CLSTN2: variants seen among roughly 807,000 people sequenced by gnomAD.
CLSTN2 encodes calsyntenin 2.
CLSTN2 carries 48 observed loss-of-function variants against 101.2 expected under a neutral mutation model. The ratio of observed to expected loss-of-function variants is 0.47; its 90% CI spans 0.38 to 0.60. The LOEUF is 0.60. Ranked by LOEUF, CLSTN2 falls within the 20% of genes least tolerant of loss-of-function variation. The pLI, the probability that CLSTN2 is intolerant of heterozygous loss-of-function variation, is 0.00. For missense variants in CLSTN2, 1,160 were observed against 1,238.2 expected (o/e 0.94, Z 0.95); for synonymous variants, 481 against 463.6 (o/e 1.04, Z -0.48).
chr3:140,395,793 G>A (rs762902571), intron 2 of CLSTN2, among the ~76,000 whole-genome samples: 5 of 152,114 alleles, frequency 3.3e-5, no homozygotes, highest in Admixed American at 6.5e-5. Flanking sequence ...ATGTAGAGAG[G>A]GACTTTAAAA....
Position 140,490,109 on chromosome 3 carries a change from TATATATATACACACACACACAC to T in CLSTN2, c.1344+23380_1344+23401del, listed in dbSNP as rs1934321601. ...GTGTGTATATATATATATATATATA[TATATATATACACACACACACAC>T]ACACACACACACACACACACACACA... On this transcript the variant is annotated intron_variant, in intron 8 of 16. Transcript: ENST00000458420. 4.0e-4 allele frequency among the ~76,000 whole-genome samples: 3 copies of T among 7,488 alleles called. 1 individual carries two copies. Among genetic ancestry groups the T allele is most frequent in the African/African-American group, 2.1e-3 (3 of 1,428 alleles). The allele number at this position is 7,488 out of a possible 152,430, so 4.9% of individuals were successfully genotyped here.
At chr3:140,323,342 C>T (rs1291142302) in intron 2 of CLSTN2, among the ~76,000 whole-genome samples, 5 of 152,166 alleles carry the variant, frequency 3.3e-5, no homozygotes, top group Admixed American at 6.5e-5. Flanking sequence ...AGTCTGGACC[C>T]GTCTCCTCTT....
chr3:140,272,898 A>G (rs2086755960), intron 2 of CLSTN2, among the ~76,000 whole-genome samples: 1 of 152,100 alleles, frequency 6.6e-6, no homozygotes, highest in South Asian at 2.1e-4. Context: ...GTCCTGGCTT[A>G]GTTTTGAAAT....
At chr3:140,509,898 GCTC>G (rs896168818) in intron 8 of CLSTN2, among the ~76,000 whole-genome samples, 6 of 152,182 alleles carry the variant, frequency 3.9e-5, no homozygotes, top group Non-Finnish European at 7.3e-5. Context: ...TAATATAGAT[GCTC>G]CTCAACTTAT....
intron 1 of CLSTN2, among the ~76,000 whole-genome samples, chr3:140,171,725 TATATATAATATATTA>T (rs2010225514): frequency 9.7e-6 from 1 of 103,242 alleles, no homozygotes; most frequent in Non-Finnish European, 1.9e-5. Flanking sequence ...TATTATATAT[TATATATAATATATTA>T]ATATATAATA....
chr3:140,115,814 C>A (rs2009231944), intron 1 of CLSTN2, among the ~76,000 whole-genome samples: 1 of 152,204 alleles, frequency 6.6e-6, no homozygotes, highest in Non-Finnish European at 1.5e-5. Flanking sequence ...CCGAAGCTTT[C>A]ATTCTTCAGG....
chr3:140,527,194 C>A (rs1935161488), intron 8 of CLSTN2, among the ~76,000 whole-genome samples: 1 of 152,108 alleles, frequency 6.6e-6, no homozygotes, highest in Admixed American at 6.6e-5. Context: ...TAACAGAATT[C>A]TAATATCCAG....
intron 2 of CLSTN2, among the ~76,000 whole-genome samples, chr3:140,372,845 A>G (rs1031886283): frequency 6.6e-6 from 1 of 152,186 alleles, no homozygotes; most frequent in Non-Finnish European, 1.5e-5. Flanking sequence ...TCAGGAGGCC[A>G]AGGTGGGAGG....
rs1242095818 is a variant in CLSTN2 at position 140,281,140 on chromosome 3, A to T, written c.232+105067A>T. ...GTGTGACAGCCTCCCAGCAGGGGAGATGGCACATCATTACCTATTAAAATC... is the reference window on the plus strand; with the variant it reads ...GTGTGACAGCCTCCCAGCAGGGGAGTTGGCACATCATTACCTATTAAAATC... On this transcript the variant is annotated intron_variant, in intron 2 of 16. Coordinates refer to ENST00000458420, the MANE Select transcript of CLSTN2 (RefSeq NM_022131.3). Among the ~76,000 whole-genome samples, 3 of 152,180 alleles carry T rather than the reference A, an allele frequency of 2.0e-5. No individual in the cohort carries two copies. The East Asian group carries it at 5.8e-4, about 29-fold the overall frequency.
At chr3:140,130,897 C>A (rs75741798) in intron 1 of CLSTN2, among the ~76,000 whole-genome samples, 58 of 152,098 alleles carry the variant, frequency 3.8e-4, no homozygotes, top group African/African-American at 1.3e-3. Context: ...CACTGACAAC[C>A]CTTTACACCA....
At chr3:140,047,233 C>A (rs1434650770) in intron 1 of CLSTN2, among the ~76,000 whole-genome samples, 1 of 152,172 alleles carries the variant, frequency 6.6e-6, no homozygotes, top group Non-Finnish European at 1.5e-5. Flanking sequence ...ATGGGAAACA[C>A]CACCTTGTAG....
intron 2 of CLSTN2, among the ~76,000 whole-genome samples, chr3:140,362,542 GA>G (rs1440956059): frequency 5.9e-5 from 9 of 151,822 alleles, no homozygotes; most frequent in Admixed American, 1.3e-4. Flanking sequence ...CAGACTTGGA[GA>G]AAAAAACGTA....
chr3:140,090,625 A>C (rs1203373547), intron 1 of CLSTN2, among the ~76,000 whole-genome samples: 1 of 152,132 alleles, frequency 6.6e-6, no homozygotes, highest in Non-Finnish European at 1.5e-5. Flanking sequence ...GTCCTGTTGG[A>C]GGCACAACAC....
chr3:140,552,404 A>ATT (rs1935720172), intron 10 of CLSTN2, among the ~76,000 whole-genome samples: 2 of 147,506 alleles, frequency 1.4e-5, no homozygotes, highest in African/African-American at 5.2e-5. Flanking sequence ...CGCAGTTTAA[A>ATT]AAAAAAAAAA....
chr3:140,098,524 G>A (rs1217962408), intron 1 of CLSTN2, among the ~76,000 whole-genome samples: 1 of 152,198 alleles, frequency 6.6e-6, no homozygotes. Context: ...GCTATATAGT[G>A]ACATTAATTG....
At chr3:140,131,018 A>G (rs1218038419) in intron 1 of CLSTN2, among the ~76,000 whole-genome samples, 2 of 152,096 alleles carry the variant, frequency 1.3e-5, no homozygotes, top group East Asian at 3.9e-4. Context: ...TACCAGGGCC[A>G]TGTTTTCTGA....
intron 2 of CLSTN2, among the ~76,000 whole-genome samples, chr3:140,369,678 G>A (rs968264150): frequency 3.9e-5 from 6 of 152,150 alleles, no homozygotes; most frequent in African/African-American, 1.4e-4. Flanking sequence ...CAAACATGCT[G>A]CTCCTGTGGC....
intron 5 of CLSTN2, 29 bp from the exon 6 acceptor site, chr3:140,448,490 C>A (rs1933149343): frequency 1.3e-6 from 2 of 1,579,596 alleles, no homozygotes; most frequent in African/African-American, 1.3e-5. Context: ...GCACCTGATT[C>A]ACTTTTCATC....
chr3:139,938,205 C>T lies in CLSTN2; in HGVS notation c.109+2722C>T, dbSNP rs532583233. ...TGAACAAAAAACCAGATACTTCTTT[C>T]GTACAATTCTGTATTCATGTGTAGA... On this transcript the variant is annotated intron_variant, in intron 1 of 16. Coordinates refer to ENST00000458420, the MANE Select transcript of CLSTN2 (RefSeq NM_022131.3). 1.8e-4 allele frequency among the ~76,000 whole-genome samples: 27 copies of T among 150,784 alleles called. 1 individual carries two copies. The East Asian group carries it at 4.1e-3, about 23-fold the overall frequency.
Sources: allele counts gnomAD v4.1 joint callset (sites outside exome capture counted in the v4.1 genomes callset), GRCh38; gene constraint gnomAD v4.1.1; transcripts MANE v1.5; gene names NCBI Gene and HGNC (gene_info 2026-07-23, HGNC 2026-07-21).